The following SLC10A7 variants were observed in gnomAD, a reference collection of about 807,000 sequenced individuals.
The protein encoded by SLC10A7 is sodium/bile acid cotransporter 7.
SLC10A7 carries 29 observed loss-of-function variants against 43.2 expected under a neutral mutation model. That is an observed-to-expected ratio of 0.67 (90% CI 0.50 to 0.92). SLC10A7 has a LOEUF of 0.92. Among genes scored for constraint, SLC10A7 ranks in the 40% least tolerant of loss-of-function variants. The pLI, the probability that SLC10A7 is intolerant of heterozygous loss-of-function variation, is 0.00. For missense variants in SLC10A7, 295 were observed against 403.2 expected (o/e 0.73, Z 2.30); for synonymous variants, 152 against 144.8 (o/e 1.05, Z -0.35).
At chr4:146,404,417 T>C (rs1002585501) in intron 5 of SLC10A7, among the ~76,000 whole-genome samples, 1 of 151,986 alleles carries the variant, frequency 6.6e-6, no homozygotes, top group African/African-American at 2.4e-5. Context: ...ATATTTTTAT[T>C]TGCACTGATA....
chr4:146,359,468 A>G (rs564746761), intron 5 of SLC10A7, among the ~76,000 whole-genome samples: 169 of 152,188 alleles, frequency 1.1e-3, no homozygotes, highest in South Asian at 3.9e-3. Context: ...TTTCTAGTGT[A>G]CTGAATTTTT....
intron 5 of SLC10A7, among the ~76,000 whole-genome samples, chr4:146,345,563 T>G (rs2149734394): frequency 6.6e-6 from 1 of 152,268 alleles, no homozygotes; most frequent in Non-Finnish European, 1.5e-5. Context: ...CTTCCTTCAG[T>G]TATCAAGGAA....
At chr4:146,421,748 T>C (rs1728981915) in intron 5 of SLC10A7, among the ~76,000 whole-genome samples, 1 of 152,226 alleles carries the variant, frequency 6.6e-6, no homozygotes, top group Admixed American at 6.5e-5. Flanking sequence ...GATATAACAG[T>C]GAGCATAACA....
intron 9 of SLC10A7, among the ~76,000 whole-genome samples, chr4:146,289,881 A>C (rs1389071959): frequency 1.3e-5 from 2 of 150,106 alleles, no homozygotes; most frequent in Admixed American, 1.3e-4. Flanking sequence ...ACGCTGGGCT[A>C]ATTTTTGTAT....
chr4:146,480,412 T>G (rs921765045), intron 4 of SLC10A7, among the ~76,000 whole-genome samples: 6 of 152,176 alleles, frequency 3.9e-5, no homozygotes, highest in Non-Finnish European at 5.9e-5. Context: ...TCATTTCTCT[T>G]TCGTGTAAAA....
intron 4 of SLC10A7, among the ~76,000 whole-genome samples, chr4:146,499,983 A>G (rs1374064849): frequency 6.6e-6 from 1 of 152,224 alleles, no homozygotes; most frequent in East Asian, 1.9e-4. Context: ...TATAGCCTAC[A>G]CACCTCTTGA....
chr4:146,439,238 G>T (rs1579189297), intron 5 of SLC10A7, among the ~76,000 whole-genome samples: 1 of 151,782 alleles, frequency 6.6e-6, no homozygotes, highest in Non-Finnish European at 1.5e-5. Flanking sequence ...CAAAAACAGC[G>T]TTCTATAATA....
At chr4:146,401,695 CTG>C (rs1739237749) in intron 5 of SLC10A7, among the ~76,000 whole-genome samples, 1 of 152,130 alleles carries the variant, frequency 6.6e-6, no homozygotes, top group African/African-American at 2.4e-5. Flanking sequence ...GCAGCACAGA[CTG>C]TGTGATTCGA....
At chr4:146,258,552 T>A in intron 11 of SLC10A7, 140 bp downstream of exon 11, 1 of 749,826 alleles carries the variant, frequency 1.3e-6, no homozygotes, top group South Asian at 2.2e-5. Flanking sequence ...CAGTGCACCA[T>A]TATTATTGTA....
At chr4:146,330,504 C>T (rs59890707) in intron 5 of SLC10A7, among the ~76,000 whole-genome samples, 10,204 of 152,138 alleles carry the variant, frequency 0.067, 429 homozygotes, top group South Asian at 0.18. Context: ...ATCTAAAGTG[C>T]GAACCCCTCT....
intron 5 of SLC10A7, among the ~76,000 whole-genome samples, chr4:146,371,753 G>A (rs929719308): frequency 4.6e-5 from 7 of 152,074 alleles, no homozygotes; most frequent in Non-Finnish European, 1.0e-4. Flanking sequence ...AGGATTAAAT[G>A]GAGATTTTTA....
intron 5 of SLC10A7, among the ~76,000 whole-genome samples, chr4:146,368,262 C>G (rs2244316): frequency 0.011 from 1,665 of 152,300 alleles, 24 homozygotes; most frequent in African/African-American, 0.037. Context: ...GCAGAGAAAT[C>G]AACCCTTTCA....
chr4:146,302,272 AGG>A (rs1731213012), intron 7 of SLC10A7, among the ~76,000 whole-genome samples: 1 of 152,228 alleles, frequency 6.6e-6, no homozygotes, highest in Non-Finnish European at 1.5e-5. Flanking sequence ...TGAGAAGTAC[AGG>A]TAGATTCAGT....
intron 7 of SLC10A7, among the ~76,000 whole-genome samples, chr4:146,303,913 TTAAA>T (rs1560780029): frequency 1.3e-5 from 2 of 151,828 alleles, no homozygotes; most frequent in Non-Finnish European, 2.9e-5. Context: ...GCTAGGGAGA[TTAAA>T]TAACTTGCCC....
chr4:146,271,512 T>G (rs1694404047), intron 10 of SLC10A7, among the ~76,000 whole-genome samples: 1 of 152,150 alleles, frequency 6.6e-6, no homozygotes, highest in Non-Finnish European at 1.5e-5. Flanking sequence ...GCCTCTCTCT[T>G]GAGTCTTCCT....
chr4:146,298,847 C>T (rs1353986910), intron 7 of SLC10A7, among the ~76,000 whole-genome samples: 1 of 152,158 alleles, frequency 6.6e-6, no homozygotes, highest in Non-Finnish European at 1.5e-5. Flanking sequence ...AGATACAACA[C>T]ACTTTGTTCT....
chr4:146,521,273 G>T (rs1242218870), intron 1 of SLC10A7, among the ~76,000 whole-genome samples: 1 of 151,990 alleles, frequency 6.6e-6, no homozygotes, highest in Admixed American at 6.6e-5. Flanking sequence ...TCCACTCCAA[G>T]ATAGATACGG....
At chr4:146,375,207 GAAAACA>G (rs1194097059) in intron 5 of SLC10A7, among the ~76,000 whole-genome samples, 7 of 151,936 alleles carry the variant, frequency 4.6e-5, no homozygotes, top group African/African-American at 1.4e-4. Flanking sequence ...CTCCATCTCA[GAAAACA>G]AAAACAAAAA....
intron 6 of SLC10A7, among the ~76,000 whole-genome samples, chr4:146,308,818 C>T (rs967512472): frequency 1.3e-5 from 2 of 152,056 alleles, no homozygotes; most frequent in African/African-American, 4.8e-5. Flanking sequence ...GAAAACTCAC[C>T]ATTAGCTTGG....
Sources: gnomAD v4.1 joint callset for allele counts (sites outside exome capture counted in the v4.1 genomes callset) on GRCh38, gnomAD v4.1.1 for gene constraint, MANE v1.5 for transcripts, NCBI Gene and HGNC (gene_info 2026-07-23, HGNC 2026-07-21) for gene names.